CERS2: variants seen among roughly 807,000 people sequenced by gnomAD.
CERS2 encodes the protein LAG1 homolog, ceramide synthase 2.
Under a neutral mutation model 56.6 loss-of-function variants are expected in CERS2, and 20 were observed. That is an observed-to-expected ratio of 0.35 (90% CI 0.25 to 0.51). The LOEUF is 0.51. CERS2 is among the 20% of genes least tolerant of loss of function. CERS2 has a pLI of 0.96. For missense variants in CERS2, 361 were observed against 488.6 expected (o/e 0.74, Z 2.46); for synonymous variants, 187 against 175.4 (o/e 1.07, Z -0.52).
In CERS2 at chr1:150,968,063, T is replaced by G. The variant is rs766728072; in HGVS notation, c.410+20A>C. ...TCAGGATATTCCTTGTCACCCAGCT[T>G]CTGCCCCAGCCTCCCCCACCTGGCT... On this transcript the variant is annotated intron_variant, in intron 4 of 10. Coordinates refer to ENST00000368954, the MANE Select transcript of CERS2 (RefSeq NM_022075.5). The G allele has an allele frequency of 1.9e-6, 3 of 1,603,920 alleles. No individual in the cohort carries two copies. The highest frequency in any genetic ancestry group is 2.6e-6 in the Non-Finnish European group (3 of 1,174,184).
At chr1:150,969,301 C>T (rs930316640) in intron 1 of CERS2, 34 of 545,650 alleles carry the variant, frequency 6.2e-5, no homozygotes, top group South Asian at 5.7e-4. Context: ...TTAGGCCGGC[C>T]GTGATGGCTC....
Position 150,967,864 on chromosome 1 carries a change from A to C in CERS2, c.424T>G (p.Phe142Val), listed in dbSNP as rs765709413. Residue 142 changes from phenylalanine to valine, a missense_variant, in exon 5 of 11, where the codon TTT becomes GTT. Transcript: ENST00000368954. The part of the protein sequence containing the change: ...KFREASWRFT[F>V]YLIAFIAGMA... ...CCGGCAATGAAGGCAATCAGGTAAA[A>C]TGTGAATCTCCAGCTGGCAGAGGAA... The C allele has an allele frequency of 6.2e-7, 1 of 1,613,694 alleles. No individual in the cohort carries two copies. Among genetic ancestry groups the C allele is most frequent in the East Asian group, 2.2e-5 (1 of 44,872 alleles).
At chr1:150,968,240 C>A (rs587738500) in intron 3 of CERS2, 39 bp from the exon 4 acceptor site, 2 of 1,589,484 alleles carry the variant, frequency 1.3e-6, no homozygotes, top group African/African-American at 2.7e-5. Flanking sequence ...TGTTTACCTT[C>A]GGAACTCAGC....
At chr1:150,970,047 G>C (rs1271801592) in intron 1 of CERS2, among the ~76,000 whole-genome samples, 1 of 152,020 alleles carries the variant, frequency 6.6e-6, no homozygotes, top group Non-Finnish European at 1.5e-5. Context: ...GGGCAACACG[G>C]TGAAACCCCA....
Position 150,966,028 on chromosome 1 carries a change from C to T in CERS2, c.*120G>A, listed in dbSNP as rs1055702105. The T allele has an allele frequency of 7.6e-6, 8 of 1,050,494 alleles. No homozygotes were observed. Among genetic ancestry groups the T allele is most frequent in the African/African-American group, 3.3e-5 (2 of 60,564 alleles). 65.1% of individuals were successfully genotyped at this position (1,050,494 alleles called of 1,614,324 possible). A position where few individuals can be genotyped will look rare whatever the true frequency, so the allele number is the denominator to read the frequency against. On this transcript the variant is annotated 3_prime_UTR_variant, in exon 11 of 11. Transcript: ENST00000368954. ...GGGTGACAAGCAAGGAGGGAGGATGCAGAGAACTCTCCTCTCACTTTCTCC... is the reference window on the plus strand; with the variant it reads ...GGGTGACAAGCAAGGAGGGAGGATGTAGAGAACTCTCCTCTCACTTTCTCC...
Position 150,966,649 on chromosome 1 carries a change from G to C in CERS2, c.849-20C>G, listed in dbSNP as rs587770007. ...AGGATCCTGAGGATTCAAGGAGAGAGAGAACGTGGACAAGAGCAGGTCAGA... is the reference window on the plus strand; with the variant it reads ...AGGATCCTGAGGATTCAAGGAGAGACAGAACGTGGACAAGAGCAGGTCAGA... On this transcript the variant is annotated intron_variant, in intron 9 of 10. Transcript: ENST00000368954. The C allele has an allele frequency of 1.1e-4, 177 of 1,613,762 alleles. 2 individuals are homozygous for C. The Middle Eastern group carries it at 3.0e-3, about 27-fold the overall frequency.
chr1:150,966,979 C>T, intron 8 of CERS2, 95 bp downstream of exon 8: 1 of 1,515,124 alleles, frequency 6.6e-7, no homozygotes, highest in East Asian at 2.3e-5. Context: ...CCAGGAATGT[C>T]ATCCTCCAAA....
intron 1 of CERS2, among the ~76,000 whole-genome samples, chr1:150,970,101 G>T (rs1671138829): frequency 6.6e-6 from 1 of 151,896 alleles, no homozygotes; most frequent in South Asian, 2.1e-4. Context: ...GGTGGCACAT[G>T]CCTGTAATCC....
chr1:150,967,892 A>G lies in CERS2; in HGVS notation c.411-15T>C. ...TGAATCTCCAGCTGGCAGAGGAAGC[A>G]GAAATGGCTAGGTCAGAGGATAGCA... is the stretch of plus-strand genomic sequence containing the variant. On this transcript the variant is annotated splice_polypyrimidine_tract_variant and intron_variant, in intron 4 of 10. Coordinates refer to ENST00000368954, the MANE Select transcript of CERS2 (RefSeq NM_022075.5). The G allele has an allele frequency of 6.2e-7, 1 of 1,605,786 alleles. No homozygotes were observed. Among genetic ancestry groups the G allele is most frequent in the Non-Finnish European group, 8.5e-7 (1 of 1,172,782 alleles).
chr1:150,973,657 C>T (rs1298506807), intron 1 of CERS2, among the ~76,000 whole-genome samples: 4 of 152,190 alleles, frequency 2.6e-5, no homozygotes, highest in African/African-American at 9.7e-5. Flanking sequence ...ATCCCGACTC[C>T]GGTATGCGGC....
Position 150,966,466 on chromosome 1 carries a change from A to G in CERS2, c.1002+10T>C. On this transcript the variant is annotated intron_variant, in intron 10 of 10. Transcript: ENST00000368954. ...GTAGTAAGGCCTACACAATGGGAAC[A>G]GGGCTTCACCTTTCCAGTTATGAAC... 3 of 1,614,084 alleles carry G rather than the reference A, an allele frequency of 1.9e-6. No individual in the cohort carries two copies. The highest frequency in any genetic ancestry group is 2.5e-6 in the Non-Finnish European group (3 of 1,179,990).
intron 1 of CERS2, 133 bp from the exon 2 acceptor site, chr1:150,969,224 A>C: frequency 1.4e-6 from 1 of 729,316 alleles, no homozygotes. Context: ...TATCCTGGCT[A>C]TGTAGCCTTG....
rs771524565 is a variant in CERS2 at position 150,967,139 on chromosome 1, C to T, written c.676G>A (p.Ala226Thr). Residue 226 changes from alanine to threonine, a missense_variant, in exon 8 of 11, where the codon GCC becomes ACC. Ala to Thr is a moderately conservative substitution (Grantham distance 58). Around this residue, in one of 3 missense-constraint regions of CERS2, gnomAD observed 236 missense variants for 309.2 expected, o/e 0.76. Coordinates refer to ENST00000368954, the MANE Select transcript of CERS2 (RefSeq NM_022075.5). ...AGAGTCCCAGCTCGGATGTAATTGGCAAACCAGGAAAAGCTGATGAGAATG... is the reference window on the plus strand; with the variant it reads ...AGAGTCCCAGCTCGGATGTAATTGGTAAACCAGGAAAAGCTGATGAGAATG... Reference protein sequence around the residue: ...TIILISFSWFANYIRAGTLIM... With the variant: ...TIILISFSWFTNYIRAGTLIM... 3 of 1,613,880 alleles carry T rather than the reference C, an allele frequency of 1.9e-6. No homozygotes were observed. Among genetic ancestry groups the T allele is most frequent in the East Asian group, 2.2e-5 (1 of 44,880 alleles).
chr1:150,965,943 A>G lies in CERS2; in HGVS notation c.*205T>C. ...AATACGACCGTCCCCCTCTAACAGA[A>G]TATAACCAACGTCCCCCTACCTGGG... On this transcript the variant is annotated 3_prime_UTR_variant, in exon 11 of 11. Transcript: ENST00000368954. The G allele has an allele frequency of 1.8e-6, 1 of 544,900 alleles. No homozygotes were observed. Among genetic ancestry groups the G allele is most frequent in the Non-Finnish European group, 3.2e-6 (1 of 316,118 alleles). The allele number at this position is 544,900 out of a possible 1,614,324, so 33.8% of individuals were successfully genotyped here.
At chr1:150,971,824 C>A (rs587741944) in intron 1 of CERS2, 1 of 470,668 alleles carries the variant, frequency 2.1e-6, no homozygotes, top group Non-Finnish European at 4.4e-6. Context: ...TGATTGGAAG[C>A]GAGAAATCAG....
intron 1 of CERS2, among the ~76,000 whole-genome samples, chr1:150,971,466 C>T (rs1281850566): frequency 1.3e-5 from 2 of 151,888 alleles, no homozygotes; most frequent in South Asian, 2.1e-4. Flanking sequence ...ACTGCTCTCT[C>T]GGATGAAATC....
In CERS2 at chr1:150,966,230, G is replaced by A; in HGVS notation, c.1061C>T (p.Ala354Val). Residue 354 changes from alanine to valine, a missense_variant, in exon 11 of 11, where the codon GCT (alanine) becomes GTT (valine). Around this residue, in one of 3 missense-constraint regions of CERS2, gnomAD observed 122 missense variants for 151.9 expected, o/e 0.80. Coordinates refer to ENST00000368954, the MANE Select transcript of CERS2 (RefSeq NM_022075.5). ...EETESSEGEEAAAGGGAKSRP... is the reference protein window; with the variant it reads ...EETESSEGEEVAAGGGAKSRP... The stretch of plus-strand genomic sequence containing the variant: ...GCTCTTTGCTCCTCCCCCAGCTGCA[G>A]CCTCCTCCCCCTCTGAGCTCTCTGT... The A allele has an allele frequency of 6.2e-7, 1 of 1,607,742 alleles. No homozygotes were observed. Among genetic ancestry groups the A allele is most frequent in the Non-Finnish European group, 8.5e-7 (1 of 1,178,374 alleles).
chr1:150,969,199 C>A, intron 1 of CERS2, 108 bp from the exon 2 acceptor site: 1 of 900,502 alleles, frequency 1.1e-6, no homozygotes, highest in South Asian at 1.6e-5. Context: ...GGCAGAGAGT[C>A]GAACTCTAGA....
intron 2 of CERS2, 53 bp from the exon 3 acceptor site, chr1:150,968,565 G>A (rs1671091498): frequency 7.3e-7 from 1 of 1,372,396 alleles, no homozygotes; most frequent in Non-Finnish European, 1.0e-6. Context: ...GGAAAGGGCT[G>A]CAAGCTAAGG....
Sources: allele counts gnomAD v4.1 joint callset (sites outside exome capture counted in the v4.1 genomes callset), GRCh38; gene constraint gnomAD v4.1.1; regional missense constraint gnomAD v4.1.1; transcripts MANE v1.5; gene names NCBI Gene and HGNC (gene_info 2026-07-23, HGNC 2026-07-21).